Variants in DUS1L observed in about 807,000 individuals in gnomAD.
DUS1L encodes the protein dihydrouridine synthase 1 like.
A neutral mutation model predicts 61.2 loss-of-function variants in DUS1L; 56 were observed. That is an observed-to-expected ratio of 0.92 (90% CI 0.74 to 1.14). The LOEUF is 1.14. Ranked by LOEUF, DUS1L falls within the 50% of genes most tolerant of loss-of-function variation. DUS1L has a pLI of 0.00. For missense variants in DUS1L, 630 were observed against 632.4 expected, an observed-to-expected ratio of 1.00 and a Z score of 0.04; for synonymous variants, 278 against 259.5, an observed-to-expected ratio of 1.07 and a Z score of -0.69.
At chr17:82,059,732 G>A in intron 11 of DUS1L, 1 of 614,886 alleles carries the variant, frequency 1.6e-6, no homozygotes, top group Non-Finnish European at 2.8e-6. Flanking sequence ...CTGATTCACT[G>A]AGCCCATGTC....
At chr17:82,060,350 G>A (rs1013737510) in intron 10 of DUS1L, 1 of 593,652 alleles carries the variant, frequency 1.7e-6, no homozygotes, top group Non-Finnish European at 3.0e-6. Flanking sequence ...GGCCACGGAT[G>A]GCCTCACCTC....
At chr17:82,059,844 C>G in intron 11 of DUS1L, 104 bp downstream of exon 11, 6 of 1,528,318 alleles carry the variant, frequency 3.9e-6, no homozygotes, top group Non-Finnish European at 4.5e-6. Flanking sequence ...AGCTCTGGGC[C>G]TTGAGCCTTG....
Position 82,058,321 on chromosome 17 carries a change from C to A in DUS1L, c.1282+20G>T. The A allele has an allele frequency of 6.6e-7, 1 of 1,515,224 alleles. No homozygotes were observed. Among genetic ancestry groups the A allele is most frequent in the Non-Finnish European group, 8.9e-7 (1 of 1,127,666 alleles). The allele number at this position is 1,515,224 out of a possible 1,614,324, so 93.9% of individuals were successfully genotyped here. A position where few individuals can be genotyped will look rare whatever the true frequency, so the allele number is the denominator to read the frequency against. On this transcript the variant is annotated intron_variant, in intron 13 of 13. Transcript: ENST00000306796. The stretch of plus-strand genomic sequence containing the variant: ...GGGGGTCTGTTTGCCTGCTGCGGGG[C>A]GGGTGGTAGGCGCCCTCACCTGGGC...
In DUS1L at chr17:82,061,894, C is replaced by A; in HGVS notation, c.593+7G>T. The A allele has an allele frequency of 6.2e-7, 1 of 1,604,676 alleles. No homozygotes were observed. The highest frequency in any genetic ancestry group is 8.5e-7 in the Non-Finnish European group (1 of 1,174,684). On this transcript the variant is annotated splice_region_variant and intron_variant, in intron 6 of 13. Coordinates refer to ENST00000306796, the MANE Select transcript of DUS1L (RefSeq NM_022156.5). ...GACTGAGGGCTGTGTCACCCACACCCACTCACCGCACAGCCTTGATATGCT... is the reference window on the plus strand; with the variant it reads ...GACTGAGGGCTGTGTCACCCACACCAACTCACCGCACAGCCTTGATATGCT...
intron 11 of DUS1L, 133 bp from the exon 12 acceptor site, chr17:82,058,951 G>A: frequency 1.2e-6 from 1 of 841,396 alleles, no homozygotes; most frequent in South Asian, 1.4e-5. Context: ...AGGAGGCTCA[G>A]GGAGGGCAGA....
In DUS1L at chr17:82,061,613, C is replaced by A; in HGVS notation, c.697+5G>T. 7.5e-6 allele frequency: 12 copies of A among 1,609,172 alleles called. No individual in the cohort carries two copies. Among genetic ancestry groups the A allele is most frequent in the Non-Finnish European group, 1.0e-5 (12 of 1,178,750 alleles). ...GCCCTGGCTGCTGTCCTGGGCCCTG[C>A]CCACCTGCGCTCATGACGCCCTGCA... On this transcript the variant is annotated splice_donor_5th_base_variant and intron_variant, in intron 7 of 13. Transcript: ENST00000306796.
rs553790028 is a variant in DUS1L, at chr17:82,060,907, C to G, written c.897G>C (p.Glu299Asp). 1 of 1,611,524 alleles carries G rather than the reference C, an allele frequency of 6.2e-7. No homozygotes were observed. Among genetic ancestry groups the G allele is most frequent in the East Asian group, 2.2e-5 (1 of 44,884 alleles). ...GCTCCTGGCTCACAGCAGCGATGCCCTCCAGGGTCTTCACCTTGGCCAGCT... is the reference window on the plus strand; with the variant it reads ...GCTCCTGGCTCACAGCAGCGATGCCGTCCAGGGTCTTCACCTTGGCCAGCT... ...REELAKVKTL[E>D]GIAAVSQELK... Residue 299 changes from glutamate to aspartate, a missense_variant, in exon 9 of 14, where the codon GAG (glutamate) becomes GAC (aspartate). Glu to Asp is a conservative substitution (Grantham distance 45, BLOSUM62 2). Coordinates refer to ENST00000306796, the MANE Select transcript of DUS1L (RefSeq NM_022156.5).
At chr17:82,060,644 C>A in intron 10 of DUS1L, 57 bp downstream of exon 10, 1 of 1,580,544 alleles carries the variant, frequency 6.3e-7, no homozygotes, top group Non-Finnish European at 8.6e-7. Flanking sequence ...ACTGTGGGCA[C>A]AGGGTGGAGC....
rs933818388 is a variant in DUS1L at position 82,062,699 on chromosome 17, G to A, written c.510+162C>T. ...TTCTGTTGTAGAGGCCTGGGCTTGG[G>A]GTGGTGGCACTCAGAGCCAGTGGGG... is the stretch of plus-strand genomic sequence containing the variant. On this transcript the variant is annotated intron_variant, in intron 5 of 13. Coordinates refer to ENST00000306796, the MANE Select transcript of DUS1L (RefSeq NM_022156.5). Among the ~76,000 whole-genome samples the A allele has an allele frequency of 2.6e-5, 4 of 152,248 alleles. No homozygotes were observed. The East Asian group carries it at 7.7e-4, about 29-fold the overall frequency.
intron 12 of DUS1L, 146 bp downstream of exon 12, chr17:82,058,635 G>A: frequency 6.6e-7 from 1 of 1,517,238 alleles, no homozygotes; most frequent in Admixed American, 2.0e-5. Flanking sequence ...GAAGCAAGGG[G>A]CCGTCCTGAG....
chr17:82,059,663 C>G lies in DUS1L; in HGVS notation c.1168+285G>C, dbSNP rs1004467556. Reference sequence around the variant, plus strand: ...CTGGGCAGGGGCAGCCGCAGGGACCCGAGGCCCTGAGCTGTAGACGAGCTT... The same window carrying G: ...CTGGGCAGGGGCAGCCGCAGGGACCGGAGGCCCTGAGCTGTAGACGAGCTT... On this transcript the variant is annotated intron_variant, in intron 11 of 13. Transcript: ENST00000306796. 4.4e-4 allele frequency: 196 copies of G among 448,892 alleles called. 1 individual carries two copies. Among genetic ancestry groups the G allele is most frequent in the Non-Finnish European group, 7.5e-4 (187 of 249,842 alleles). The allele number at this position is 448,892 out of a possible 1,614,324, so 27.8% of individuals were successfully genotyped here.
At chr17:82,058,590 C>T (rs1568082486) in intron 12 of DUS1L, 174 bp from the exon 13 acceptor site, 1 of 1,460,894 alleles carries the variant, frequency 6.8e-7, no homozygotes, top group Admixed American at 2.6e-5. Flanking sequence ...CACCCAGACT[C>T]TCTTCCCCTC....
chr17:82,064,785 A>C (rs1598561529), intron 2 of DUS1L, 38 bp downstream of exon 2: 1 of 1,572,170 alleles, frequency 6.4e-7, no homozygotes, highest in Non-Finnish European at 8.6e-7. Context: ...AGGACCGGGA[A>C]CCCAACCGCG....
intron 1 of DUS1L, 64 bp from the exon 2 acceptor site, chr17:82,065,133 G>A: frequency 2.1e-6 from 3 of 1,428,640 alleles, no homozygotes; most frequent in Non-Finnish European, 2.8e-6. Flanking sequence ...ACTCAACTCA[G>A]AGGCAGCGGT....
Position 82,057,768 on chromosome 17 carries a change from TCA to T in DUS1L, c.*345_*346del, listed in dbSNP as rs1216191007. The T allele has an allele frequency of 1.8e-5, 4 of 218,422 alleles. No homozygotes were observed. The highest frequency in any genetic ancestry group is 9.2e-5 in the African/African-American group (4 of 43,396). 13.5% of individuals were successfully genotyped at this position (218,422 alleles called of 1,614,324 possible). Reference sequence around the variant, plus strand: ...ACTTTTGTCTACCCAGATGCTGCCTTCATTTAGATGTATCCTGTTGTTCAGAA... The same window carrying T: ...ACTTTTGTCTACCCAGATGCTGCCTTTTTAGATGTATCCTGTTGTTCAGAA... On this transcript the variant is annotated 3_prime_UTR_variant, in exon 14 of 14. Coordinates refer to ENST00000306796, the MANE Select transcript of DUS1L (RefSeq NM_022156.5).
intron 7 of DUS1L, 93 bp downstream of exon 7, chr17:82,061,525 G>C (rs773556454): frequency 6.9e-7 from 1 of 1,445,780 alleles, no homozygotes; most frequent in African/African-American, 1.4e-5. Flanking sequence ...ACAGCACCAT[G>C]GGGAGGGCAG....
chr17:82,059,793 C>G, intron 11 of DUS1L, 155 bp downstream of exon 11: 2 of 1,077,614 alleles, frequency 1.9e-6, no homozygotes, highest in South Asian at 3.0e-5. Flanking sequence ...GACCCCAAGT[C>G]TGGCTGACTA....
chr17:82,059,187 A>T (rs1271100164), intron 11 of DUS1L: 1 of 240,146 alleles, frequency 4.2e-6, no homozygotes, highest in East Asian at 8.6e-5. Flanking sequence ...CTCCCAAGCA[A>T]AAGGGCCAAG....
chr17:82,061,478 A>G (rs1033788892), intron 7 of DUS1L, 125 bp from the exon 8 acceptor site: 33 of 1,450,486 alleles, frequency 2.3e-5, no homozygotes, highest in Non-Finnish European at 3.0e-5. Context: ...GCTCAGGCCC[A>G]TCAGAGCAGA....
Sources: gnomAD v4.1 joint callset for allele counts (sites outside exome capture counted in the v4.1 genomes callset) on GRCh38, gnomAD v4.1.1 for gene constraint, MANE v1.5 for transcripts, NCBI Gene and HGNC (gene_info 2026-07-23, HGNC 2026-07-21) for gene names.